The following TUSC7 variants were observed in gnomAD, a reference collection of about 807,000 sequenced individuals.
The protein encoded by TUSC7 is tumor suppressor candidate 7.
intron 1 of TUSC7, chr3:116,712,908 G>T (rs1401309386): frequency 6.6e-6 from 1 of 152,050 alleles, no homozygotes. Flanking sequence ...TATAATATTT[G>T]AGCTGTCTTT....
chr3:116,712,974 G>C (rs761116517), intron 1 of TUSC7: 2 of 152,120 alleles, frequency 1.3e-5, no homozygotes, highest in African/African-American at 2.4e-5. Context: ...CAAATTGACT[G>C]TATGTCATTA....
intron 1 of TUSC7, among the ~76,000 whole-genome samples, chr3:116,711,525 T>A (rs1384216593): frequency 6.6e-6 from 1 of 152,194 alleles, no homozygotes; most frequent in Non-Finnish European, 1.5e-5. Context: ...CTTGCAGCTT[T>A]CTCATTCTAT....
At chr3:116,715,211 TTGA>T (rs1209306712) in intron 1 of TUSC7, among the ~76,000 whole-genome samples, 1 of 152,188 alleles carries the variant, frequency 6.6e-6, no homozygotes, top group African/African-American at 2.4e-5. Context: ...TGTACCACAG[TTGA>T]TTTCTCCATT....
intron 1 of TUSC7, among the ~76,000 whole-genome samples, chr3:116,715,939 A>C (rs1416550503): frequency 6.6e-6 from 1 of 152,192 alleles, no homozygotes; most frequent in African/African-American, 2.4e-5. Flanking sequence ...ATTTAATTCC[A>C]GTTCAATTTT....
At chr3:116,714,884 T>C (rs1015962791) in intron 1 of TUSC7, among the ~76,000 whole-genome samples, 4 of 152,182 alleles carry the variant, frequency 2.6e-5, no homozygotes, top group African/African-American at 9.7e-5. Context: ...CTTGGTTTTG[T>C]GCATTCCATG....
chr3:116,713,524 T>C (rs1169071937), intron 1 of TUSC7, among the ~76,000 whole-genome samples: 3 of 151,152 alleles, frequency 2.0e-5, no homozygotes, highest in Admixed American at 1.3e-4. Flanking sequence ...TGCTAAGTAT[T>C]GAGTAGAGAT....
At chr3:116,711,201 G>A (rs1405946398) in intron 1 of TUSC7, among the ~76,000 whole-genome samples, 3 of 152,104 alleles carry the variant, frequency 2.0e-5, no homozygotes, top group Non-Finnish European at 4.4e-5. Context: ...CCTCAGTAAT[G>A]TTCTTGGAGT....
chr3:116,715,876 G>A (rs189878938), intron 1 of TUSC7, among the ~76,000 whole-genome samples: 3 of 152,182 alleles, frequency 2.0e-5, no homozygotes, highest in South Asian at 2.1e-4. Flanking sequence ...TAATAAAGCC[G>A]ACATATGTAT....
intron 1 of TUSC7, among the ~76,000 whole-genome samples, chr3:116,710,712 T>C (rs2051455904): frequency 6.6e-6 from 1 of 152,174 alleles, no homozygotes; most frequent in East Asian, 1.9e-4. Flanking sequence ...GTTGAATCTT[T>C]TCCAAACTAA....
intron 1 of TUSC7, among the ~76,000 whole-genome samples, chr3:116,711,652 C>A (rs777615812): frequency 6.6e-6 from 1 of 152,130 alleles, no homozygotes; most frequent in African/African-American, 2.4e-5. Context: ...GCTGCCATTA[C>A]TAATGATCAA....
intron 1 of TUSC7, among the ~76,000 whole-genome samples, chr3:116,714,360 T>A (rs187044696): frequency 4.6e-5 from 7 of 152,350 alleles, no homozygotes; most frequent in African/African-American, 1.4e-4. Flanking sequence ...ATTTTATCAT[T>A]AAAACAGTAC....
intron 1 of TUSC7, chr3:116,712,277 T>G (rs1453625315): frequency 6.6e-6 from 1 of 152,224 alleles, no homozygotes; most frequent in Non-Finnish European, 1.5e-5. Context: ...AATTAAATGC[T>G]TATTTTATTT....
intron 1 of TUSC7, among the ~76,000 whole-genome samples, chr3:116,713,753 G>A (rs1015632185): frequency 6.6e-6 from 1 of 152,132 alleles, no homozygotes; most frequent in Non-Finnish European, 1.5e-5. Flanking sequence ...ATCACCTGAG[G>A]TCAGGAGTTC....
intron 1 of TUSC7, chr3:116,710,379 A>G (rs2051453348): frequency 6.6e-6 from 1 of 152,192 alleles, no homozygotes; most frequent in African/African-American, 2.4e-5. Flanking sequence ...AGAAAATGCC[A>G]TGCAGAAGTG....
At chr3:116,715,076 G>A (rs551401059) in intron 1 of TUSC7, among the ~76,000 whole-genome samples, 1 of 152,286 alleles carries the variant, frequency 6.6e-6, no homozygotes, top group Admixed American at 6.5e-5. Context: ...TAGTTAGAAT[G>A]ATACAGCATA....
chr3:116,714,482 G>A (rs2051488415), intron 1 of TUSC7, among the ~76,000 whole-genome samples: 1 of 152,108 alleles, frequency 6.6e-6, no homozygotes, highest in East Asian at 1.9e-4. Flanking sequence ...AATCACTGGG[G>A]ATCTTGTTAA....
At chr3:116,716,959 G>A (rs917376637) in intron 1 of TUSC7, 2 of 152,100 alleles carry the variant, frequency 1.3e-5, no homozygotes, top group Non-Finnish European at 2.9e-5. Flanking sequence ...TATGAAGAAA[G>A]TTTTGCCTTT....
intron 1 of TUSC7, chr3:116,710,008 G>A (rs2051450025): frequency 6.6e-6 from 1 of 152,274 alleles, no homozygotes; most frequent in African/African-American, 2.4e-5. Context: ...GAAGAAAAGA[G>A]CAACGTTAAA....
intron 1 of TUSC7, chr3:116,716,265 C>T (rs2051505936): frequency 6.6e-6 from 1 of 152,162 alleles, no homozygotes; most frequent in South Asian, 2.1e-4. Flanking sequence ...CTGAGAGATA[C>T]TTTTTGCAAG....
Sources: gnomAD v4.1 joint callset for allele counts (sites outside exome capture counted in the v4.1 genomes callset) on GRCh38, gnomAD v4.1.1 for gene constraint, MANE v1.5 for transcripts, NCBI Gene and HGNC (gene_info 2026-07-23, HGNC 2026-07-21) for gene names.